Variants in SFMBT2 observed in about 807,000 individuals in gnomAD.
SFMBT2 encodes Scm like with four mbt domains 2.
SFMBT2 carries 38 observed loss-of-function variants against 110.1 expected under a neutral mutation model. That is an observed-to-expected ratio of 0.35 (90% CI 0.27 to 0.45). The LOEUF is 0.45. Among genes scored for constraint, SFMBT2 ranks in the 20% least tolerant of loss-of-function variants. The probability of loss-of-function intolerance (pLI) is 1.00; values close to 1 mark genes in which losing one functional copy is unlikely to be tolerated. For missense variants in SFMBT2, 1,011 were observed against 1,094.9 expected, an observed-to-expected ratio of 0.92 and a Z score of 1.08; for synonymous variants, 425 against 425.4, an observed-to-expected ratio of 1.00 and a Z score of 0.01.
intron 1 of SFMBT2, among the ~76,000 whole-genome samples, chr10:7,403,275 T>G (rs536770674): frequency 1.3e-4 from 20 of 152,236 alleles, no homozygotes; most frequent in Non-Finnish European, 2.6e-4. Flanking sequence ...CTCCAAAGAC[T>G]CAATCAAACT....
At chr10:7,310,825 C>T (rs377447988) in intron 4 of SFMBT2, among the ~76,000 whole-genome samples, 41 of 152,226 alleles carry the variant, frequency 2.7e-4, no homozygotes, top group African/African-American at 8.9e-4. Flanking sequence ...GTGGGCGGAT[C>T]GCCTGAGGTC....
chr10:7,291,980 C>A (rs1334310235), intron 4 of SFMBT2, among the ~76,000 whole-genome samples: 1 of 152,184 alleles, frequency 6.6e-6, no homozygotes, highest in East Asian at 1.9e-4. Flanking sequence ...AGCCCCCACA[C>A]TAATTTAGTA....
intron 4 of SFMBT2, among the ~76,000 whole-genome samples, chr10:7,344,908 G>A (rs1378342321): frequency 1.4e-5 from 2 of 143,050 alleles, no homozygotes; most frequent in South Asian, 2.2e-4. Flanking sequence ...GCAGTGAGCC[G>A]AGATTGCGCC....
At chr10:7,229,874 C>T (rs1450725239) in intron 9 of SFMBT2, among the ~76,000 whole-genome samples, 1 of 151,506 alleles carries the variant, frequency 6.6e-6, no homozygotes, top group African/African-American at 2.4e-5. Context: ...GCGCCCGCCA[C>T]CATGCCTGGC....
intron 1 of SFMBT2, among the ~76,000 whole-genome samples, chr10:7,401,467 T>C (rs891918762): frequency 3.9e-5 from 6 of 152,168 alleles, no homozygotes; most frequent in Non-Finnish European, 7.3e-5. Flanking sequence ...ATATGTACTA[T>C]GAAAGAACAA....
At chr10:7,183,990 C>T (rs1367240449) in intron 16 of SFMBT2, among the ~76,000 whole-genome samples, 2 of 152,208 alleles carry the variant, frequency 1.3e-5, no homozygotes, top group African/African-American at 2.4e-5. Flanking sequence ...AACCTTCAGG[C>T]TCCCAGTCTC....
chr10:7,279,735 G>A (rs1376068108), intron 6 of SFMBT2, among the ~76,000 whole-genome samples: 1 of 152,184 alleles, frequency 6.6e-6, no homozygotes, highest in Non-Finnish European at 1.5e-5. Context: ...CTCCTTTTGT[G>A]CAAGGGTTTG....
intron 9 of SFMBT2, among the ~76,000 whole-genome samples, chr10:7,241,979 G>A (rs1840443736): frequency 1.3e-5 from 2 of 152,084 alleles, no homozygotes; most frequent in Non-Finnish European, 1.5e-5. Context: ...TAACCAAGTA[G>A]CATTTACATA....
chr10:7,248,617 T>C lies in SFMBT2; in HGVS notation c.903A>G (p.Thr301=). ...DHADLRSHFF[T]VGMKLETVNM... is the part of the protein sequence containing the mutation. ...TCACTGTCTCAAGCTTCATCCCAAC[T>C]GTGAAGAAATGGCTTCGCAAATCTG... The change falls in exon 8 of 21, where the codon ACA becomes ACG. Residue 301 remains threonine, a synonymous_variant. Transcript: ENST00000397167. 1 of 1,614,130 alleles carries C rather than the reference T, an allele frequency of 6.2e-7. No homozygotes were observed. Among genetic ancestry groups the C allele is most frequent in the Non-Finnish European group, 8.5e-7 (1 of 1,179,986 alleles).
chr10:7,319,283 A>G (rs150988565), intron 4 of SFMBT2, among the ~76,000 whole-genome samples: 1 of 152,368 alleles, frequency 6.6e-6, no homozygotes. Flanking sequence ...TTCAAATCTT[A>G]GCAGCAATTA....
chr10:7,243,649 A>C lies in SFMBT2; in HGVS notation c.1029T>G (p.Ser343Arg). The C allele has an allele frequency of 1.1e-6, 1 of 872,952 alleles. No homozygotes were observed. Among genetic ancestry groups the C allele is most frequent in the Non-Finnish European group, 2.0e-6 (1 of 501,650 alleles). The allele number at this position is 872,952 out of a possible 1,614,324, so 54.1% of individuals were successfully genotyped here. A position where few individuals can be genotyped will look rare whatever the true frequency, so the allele number is the denominator to read the frequency against. ...CTGCATGGCACAGCATTGACAGTTT[A>C]CTTGGTTCAGGTCTTAGGTCATCAA... is the stretch of plus-strand genomic sequence containing the variant. ...VTIDDLRPEP[S>R]KLSMLCHADS... The change falls in exon 9 of 21, where the codon AGT becomes AGG. Residue 343 changes from serine (S) to arginine (R), a missense_variant. By Grantham distance (110) the Ser-to-Arg change is moderately radical (BLOSUM62 -1). Coordinates refer to ENST00000397167, the MANE Select transcript of SFMBT2 (RefSeq NM_001387889.1).
At chr10:7,197,450 ACTGCTTC>A in intron 15 of SFMBT2, 91 bp downstream of exon 15, 1 of 1,498,450 alleles carries the variant, frequency 6.7e-7, no homozygotes, top group Non-Finnish European at 9.1e-7. Flanking sequence ...TGCCAGCTGA[ACTGCTTC>A]CAATGCCTAT....
chr10:7,317,502 G>A (rs567648932), intron 4 of SFMBT2, among the ~76,000 whole-genome samples: 9 of 152,120 alleles, frequency 5.9e-5, no homozygotes, highest in Non-Finnish European at 1.0e-4. Context: ...TTAGCCAGGC[G>A]TGGTGGCGCA....
At chr10:7,315,007 GAA>G (rs1229790161) in intron 4 of SFMBT2, among the ~76,000 whole-genome samples, 1 of 135,102 alleles carries the variant, frequency 7.4e-6, no homozygotes, top group East Asian at 2.2e-4. Flanking sequence ...AGAAAAGAAA[GAA>G]AGAAAGAAAA....
Position 7,381,900 on chromosome 10 carries a change from C to A in SFMBT2, c.-2G>T, listed in dbSNP as rs767979324. On this transcript the variant is annotated 5_prime_UTR_variant, in exon 2 of 21. Coordinates refer to ENST00000397167, the MANE Select transcript of SFMBT2 (RefSeq NM_001387889.1). ...GGAAGCTGACAAAGTGCTCTCCATG[C>A]CTGATGAGCAAGTGTCTCTTCTCTT... The A allele has an allele frequency of 1.0e-5, 16 of 1,594,514 alleles. No individual in the cohort carries two copies. The Admixed American group carries it at 1.7e-4, about 17-fold the overall frequency.
rs775729210 is a variant in SFMBT2, at chr10:7,220,400, C to A, written c.1330+11G>T. 16 of 1,611,782 alleles carry A rather than the reference C, an allele frequency of 9.9e-6. No homozygotes were observed. Among genetic ancestry groups the A allele is most frequent in the East Asian group, 2.2e-5 (1 of 44,806 alleles). ...TCCCCCCAGCGACTGCTACCCCCAGCGAGTACGTACCTTCCAGGTGAAGCC... is the reference window on the plus strand; with the variant it reads ...TCCCCCCAGCGACTGCTACCCCCAGAGAGTACGTACCTTCCAGGTGAAGCC... On this transcript the variant is annotated intron_variant, in intron 11 of 20. Coordinates refer to ENST00000397167, the MANE Select transcript of SFMBT2 (RefSeq NM_001387889.1).
intron 4 of SFMBT2, among the ~76,000 whole-genome samples, chr10:7,365,455 G>A (rs1844865189): frequency 6.6e-6 from 1 of 152,176 alleles, no homozygotes; most frequent in Admixed American, 6.5e-5. Flanking sequence ...CTCAAGCACA[G>A]GCAGCACGTG....
At chr10:7,219,994 G>A (rs79995925) in intron 11 of SFMBT2, among the ~76,000 whole-genome samples, 2,463 of 152,246 alleles carry the variant, frequency 0.016, 33 homozygotes, top group Admixed American at 0.021. Context: ...GTACTATTTT[G>A]AGGAAGAATT....
chr10:7,261,424 C>A (rs572776641), intron 7 of SFMBT2, among the ~76,000 whole-genome samples: 24 of 152,328 alleles, frequency 1.6e-4, no homozygotes, highest in African/African-American at 5.3e-4. Flanking sequence ...TGTTTATAGA[C>A]CTGCAGTCTC....
Sources: gnomAD v4.1 joint callset for allele counts (sites outside exome capture counted in the v4.1 genomes callset) on GRCh38, gnomAD v4.1.1 for gene constraint, MANE v1.5 for transcripts, NCBI Gene and HGNC (gene_info 2026-07-23, HGNC 2026-07-21) for gene names.